The following ALPK2 variants were observed in gnomAD, a reference collection of about 807,000 sequenced individuals.
ALPK2 encodes alpha kinase 2.
A neutral mutation model predicts 163.1 loss-of-function variants in ALPK2; 127 were observed. The ratio of observed to expected loss-of-function variants is 0.78; its 90% CI spans 0.67 to 0.90. ALPK2 has a LOEUF of 0.90. ALPK2 is among the 40% of genes least tolerant of loss of function. The probability of loss-of-function intolerance (pLI) is 0.00; values close to 1 mark genes in which losing one functional copy is unlikely to be tolerated. For synonymous variants in ALPK2, 953 were observed against 959.1 expected, an observed-to-expected ratio of 0.99 and a Z score of 0.12; for missense variants, 2,360 against 2,589.6, an observed-to-expected ratio of 0.91 and a Z score of 1.92.
At chr18:58,578,744 A>G (rs113628582) in intron 4 of ALPK2, 70 bp downstream of exon 4, 16,733 of 760,366 alleles carry the variant, frequency 0.022, 74 homozygotes, top group Non-Finnish European at 0.028. Context: ...ACACACACAC[A>G]CACACACACA....
At chr18:58,599,549 C>A (rs2052058457) in intron 3 of ALPK2, among the ~76,000 whole-genome samples, 1 of 152,192 alleles carries the variant, frequency 6.6e-6, no homozygotes, top group African/African-American at 2.4e-5. Context: ...AAGATTCAGT[C>A]ATCTTTATTT....
In ALPK2 at chr18:58,523,845, G is replaced by A; in HGVS notation, c.5630-4C>T. Reference sequence around the variant, plus strand: ...CGACTTGACAGCTGTTTGAGAACTAGAAGAAGACAAAGCAGAGAATGGCTT... The same window carrying A: ...CGACTTGACAGCTGTTTGAGAACTAAAAGAAGACAAAGCAGAGAATGGCTT... On this transcript the variant is annotated splice_polypyrimidine_tract_variant and splice_region_variant and intron_variant, in intron 7 of 12. Transcript: ENST00000361673. 1 of 1,614,084 alleles carries A rather than the reference G, an allele frequency of 6.2e-7. No individual in the cohort carries two copies. The highest frequency in any genetic ancestry group is 8.5e-7 in the Non-Finnish European group (1 of 1,180,006).
intron 3 of ALPK2, among the ~76,000 whole-genome samples, chr18:58,586,615 C>T (rs2051987941): frequency 6.6e-6 from 1 of 152,148 alleles, no homozygotes; most frequent in African/African-American, 2.4e-5. Context: ...GGGGCTCCTT[C>T]AAAGCCCCAT....
chr18:58,594,005 G>GA (rs2052029162), intron 3 of ALPK2, among the ~76,000 whole-genome samples: 1 of 144,968 alleles, frequency 6.9e-6, no homozygotes, highest in Non-Finnish European at 1.5e-5. Context: ...TTCACCATCA[G>GA]TTTTTTTTTT....
At chr18:58,561,886 T>C (rs1427306400) in intron 4 of ALPK2, among the ~76,000 whole-genome samples, 1 of 152,218 alleles carries the variant, frequency 6.6e-6, no homozygotes, top group East Asian at 1.9e-4. Flanking sequence ...TGAGTAGCTA[T>C]GGGGCAGGGC....
rs1037241117 is a variant in ALPK2, at chr18:58,579,479, A to G, written c.1297T>C (p.Leu433=). The change falls in exon 4 of 13, where the codon TTG becomes CTG. Residue 433 remains leucine (L), a synonymous_variant. Coordinates refer to ENST00000361673, the MANE Select transcript of ALPK2 (RefSeq NM_052947.4). ...SSPQTGMTLI[L]GPHQDGTSSV... ...GACGTTCCATCCTGGTGAGGTCCCA[A>G]AATGAGAGTCATCCCTGTTTGTGGG... 1 of 1,613,928 alleles carries G rather than the reference A, an allele frequency of 6.2e-7. No individual in the cohort carries two copies. The highest frequency in any genetic ancestry group is 1.3e-5 in the African/African-American group (1 of 74,878).
At chr18:58,624,382 T>A (rs1326783187) in intron 1 of ALPK2, among the ~76,000 whole-genome samples, 3 of 151,986 alleles carry the variant, frequency 2.0e-5, no homozygotes, top group Non-Finnish European at 4.4e-5. Flanking sequence ...ACCAAAGTCC[T>A]GGACTCTTCC....
intron 4 of ALPK2, chr18:58,578,191 C>T (rs1400048852): frequency 2.0e-5 from 3 of 152,138 alleles, no homozygotes; most frequent in Non-Finnish European, 4.4e-5. Flanking sequence ...CTCTTTTATA[C>T]TCTGTTTTAA....
intron 3 of ALPK2, among the ~76,000 whole-genome samples, chr18:58,583,179 A>T (rs1203303519): frequency 6.6e-6 from 1 of 152,224 alleles, no homozygotes; most frequent in Middle Eastern, 3.4e-3. Context: ...TTTCTTTAGG[A>T]CCTGCTCTTT....
At chr18:58,526,441 G>T (rs915301530) in intron 6 of ALPK2, among the ~76,000 whole-genome samples, 20 of 152,196 alleles carry the variant, frequency 1.3e-4, no homozygotes, top group Non-Finnish European at 7.3e-5. Context: ...CCAGCAGCCA[G>T]CTCCTCATCC....
chr18:58,541,870 C>T (rs1397389193), intron 4 of ALPK2, among the ~76,000 whole-genome samples: 2 of 152,188 alleles, frequency 1.3e-5, no homozygotes, highest in African/African-American at 4.8e-5. Flanking sequence ...GAGGCCAGCT[C>T]ACAGAGAAAG....
intron 3 of ALPK2, among the ~76,000 whole-genome samples, chr18:58,601,233 G>GCAA (rs965216046): frequency 6.6e-6 from 1 of 151,890 alleles, no homozygotes; most frequent in African/African-American, 2.4e-5. Flanking sequence ...TCCAGCCTGG[G>GCAA]CAACAGTGCA....
At chr18:58,526,151 T>C (rs1201004180) in intron 6 of ALPK2, among the ~76,000 whole-genome samples, 3 of 152,162 alleles carry the variant, frequency 2.0e-5, no homozygotes, top group Non-Finnish European at 4.4e-5. Flanking sequence ...CAAATCTTTT[T>C]ACCTTAGGAA....
In ALPK2 at chr18:58,564,123, C is replaced by CTTTTTTTTTTTTTTTTTTTT. The variant is rs10689097; in HGVS notation, c.1962+14690_1962+14691insAAAAAAAAAAAAAAAAAAAA. Among the ~76,000 whole-genome samples the CTTTTTTTTTTTTTTTTTTTT allele has an allele frequency of 8.8e-4, 90 of 102,444 alleles. 3 individuals are homozygous for CTTTTTTTTTTTTTTTTTTTT. The highest frequency in any genetic ancestry group is 1.2e-3 in the Admixed American group (10 of 8,358). 67.2% of individuals were successfully genotyped at this position (102,444 alleles called of 152,430 possible). On this transcript the variant is annotated intron_variant, in intron 4 of 12. Transcript: ENST00000361673. ...GAATTGCGTATTTGATGTCTTTGTT[C>CTTTTTTTTTTTTTTTTTTTT]TTTTTTTTTTTTTTTTGAGATGGAG...
Position 58,625,021 on chromosome 18 carries a change from C to T in ALPK2, c.-21+3743G>A, listed in dbSNP as rs147379465. Reference sequence around the variant, plus strand: ...CACACTAATTTCTGATTTCCATATTCATTCTTTCTCTTTCTGCCCTCCATG... The same window carrying T: ...CACACTAATTTCTGATTTCCATATTTATTCTTTCTCTTTCTGCCCTCCATG... On this transcript the variant is annotated intron_variant, in intron 1 of 12. Coordinates refer to ENST00000361673, the MANE Select transcript of ALPK2 (RefSeq NM_052947.4). Among the ~76,000 whole-genome samples, 246 of 152,284 alleles carry T rather than the reference C, an allele frequency of 1.6e-3. 1 individual carries two copies. Among genetic ancestry groups the T allele is most frequent in the African/African-American group, 5.7e-3 (236 of 41,554 alleles).
chr18:58,609,593 T>A (rs1272745356), intron 2 of ALPK2, among the ~76,000 whole-genome samples: 1 of 152,230 alleles, frequency 6.6e-6, no homozygotes, highest in Non-Finnish European at 1.5e-5. Context: ...AGTTTCCTAA[T>A]GGCTGACTGT....
chr18:58,599,982 A>T (rs1249326906), intron 3 of ALPK2, among the ~76,000 whole-genome samples: 1 of 144,132 alleles, frequency 6.9e-6, no homozygotes, highest in Non-Finnish European at 1.5e-5. Context: ...CAATTCTATT[A>T]GCAGGTTGTG....
chr18:58,570,787 A>G (rs543295852), intron 4 of ALPK2, among the ~76,000 whole-genome samples: 74 of 152,298 alleles, frequency 4.9e-4, no homozygotes, highest in Admixed American at 9.2e-4. Context: ...TAATAGTCCT[A>G]TTGATTAACT....
At chr18:58,599,016 T>G (rs2052055540) in intron 3 of ALPK2, among the ~76,000 whole-genome samples, 1 of 152,100 alleles carries the variant, frequency 6.6e-6, no homozygotes, top group South Asian at 2.1e-4. Flanking sequence ...TGTCCCAAAG[T>G]CTTGGGAGGG....
Sources: gnomAD v4.1 joint callset for allele counts (sites outside exome capture counted in the v4.1 genomes callset) on GRCh38, gnomAD v4.1.1 for gene constraint, MANE v1.5 for transcripts, NCBI Gene and HGNC (gene_info 2026-07-23, HGNC 2026-07-21) for gene names.